Variants in LRP1B observed in about 807,000 individuals in gnomAD.
LRP1B encodes LDL receptor related protein 1B, also known as low-density lipoprotein receptor-related protein 1B.
Under a neutral mutation model 556.6 loss-of-function variants are expected in LRP1B, and 217 were observed. That is an observed-to-expected ratio of 0.39 (90% CI 0.35 to 0.44). The LOEUF is 0.44. Ranked by LOEUF, LRP1B falls within the 20% of genes least tolerant of loss-of-function variation. The pLI is 1.00. For missense variants in LRP1B, 5,053 were observed against 5,620.8 expected (o/e 0.90, Z 3.23); for synonymous variants, 2,047 against 1,865.8 (o/e 1.10, Z -2.50).
At chr2:142,089,945 T>C (rs1706098310) in intron 1 of LRP1B, among the ~76,000 whole-genome samples, 1 of 152,190 alleles carries the variant, frequency 6.6e-6, no homozygotes, top group African/African-American at 2.4e-5. Flanking sequence ...TATGCTTTGA[T>C]TGCATATCAC....
intron 11 of LRP1B, among the ~76,000 whole-genome samples, chr2:141,032,822 C>CATATAT (rs1333410760): frequency 1.3e-5 from 1 of 75,544 alleles, no homozygotes; most frequent in African/African-American, 5.2e-5. Flanking sequence ...TATATATATA[C>CATATAT]ATACATATAT....
chr2:141,693,163 A>G (rs1225827044), intron 2 of LRP1B, among the ~76,000 whole-genome samples: 1 of 152,032 alleles, frequency 6.6e-6, no homozygotes, highest in African/African-American at 2.4e-5. Context: ...GCTTCTTGAA[A>G]GTAGAGTCTT....
At chr2:141,133,987 A>G (rs766074223) in intron 7 of LRP1B, among the ~76,000 whole-genome samples, 2 of 151,860 alleles carry the variant, frequency 1.3e-5, no homozygotes, top group Non-Finnish European at 2.9e-5. Context: ...ACATAGAACA[A>G]TACATGCATA....
intron 2 of LRP1B, among the ~76,000 whole-genome samples, chr2:141,794,168 A>G (rs1230339419): frequency 6.6e-6 from 1 of 151,894 alleles, no homozygotes; most frequent in Non-Finnish European, 1.5e-5. Flanking sequence ...TGGGCATGAC[A>G]CTCATGAATG....
chr2:142,050,551 A>T (rs1704419142), intron 1 of LRP1B, among the ~76,000 whole-genome samples: 1 of 152,178 alleles, frequency 6.6e-6, no homozygotes, highest in Non-Finnish European at 1.5e-5. Flanking sequence ...GTTATTAAAA[A>T]ATCCCTCTGT....
intron 2 of LRP1B, among the ~76,000 whole-genome samples, chr2:141,799,050 T>C (rs79340628): frequency 0.011 from 1,636 of 152,016 alleles, 37 homozygotes; most frequent in African/African-American, 0.038. Flanking sequence ...AGACCTTGAT[T>C]TCAGAATTCC....
At chr2:142,043,543 A>G (rs1704137216) in intron 1 of LRP1B, among the ~76,000 whole-genome samples, 2 of 151,686 alleles carry the variant, frequency 1.3e-5, no homozygotes, top group African/African-American at 4.8e-5. Flanking sequence ...TCAGCTGAAC[A>G]GTTAGTAGAC....
rs776584194 is a variant in LRP1B at position 140,883,941 on chromosome 2, T to C, written c.4045A>G (p.Ile1349Val). 1.9e-6 allele frequency: 3 copies of C among 1,613,756 alleles called. No individual in the cohort carries two copies. Among genetic ancestry groups the C allele is most frequent in the African/African-American group, 1.3e-5 (1 of 75,006 alleles). ...TCCAGATTGCTGTCTATCCAGTATA[T>C]GTTTCCTGCTATCCAGTCGACTGTC... ...GLTVDWIAGN[I>V]YWIDSNLDQI... is the part of the protein sequence containing the mutation. Residue 1349 changes from isoleucine to valine, a missense_variant, in exon 25 of 91, where the codon ATA (isoleucine) becomes GTA (valine). Physicochemically the swap from Ile to Val is conservative, Grantham distance 29. Around this residue, in one of 5 missense-constraint regions of LRP1B, gnomAD observed 3,619 missense variants for 3,931.9 expected, o/e 0.92. Coordinates refer to ENST00000389484, the MANE Select transcript of LRP1B (RefSeq NM_018557.3).
At chr2:141,633,207 C>T (rs1688976874) in intron 2 of LRP1B, among the ~76,000 whole-genome samples, 1 of 152,144 alleles carries the variant, frequency 6.6e-6, no homozygotes, top group South Asian at 2.1e-4. Context: ...GAAAGCTTTT[C>T]AAATCTGTGG....
At chr2:141,019,095 A>C (rs1697992797) in intron 12 of LRP1B, among the ~76,000 whole-genome samples, 1 of 152,122 alleles carries the variant, frequency 6.6e-6, no homozygotes, top group African/African-American at 2.4e-5. Context: ...TAACATTTTT[A>C]AGTTATAAAA....
chr2:141,950,257 C>T (rs1233473535), intron 1 of LRP1B, among the ~76,000 whole-genome samples: 2 of 152,000 alleles, frequency 1.3e-5, no homozygotes, highest in East Asian at 1.9e-4. Context: ...AATTTTAATT[C>T]TGTATGGTAT....
intron 18 of LRP1B, among the ~76,000 whole-genome samples, chr2:140,964,368 G>A (rs1696132585): frequency 6.6e-6 from 1 of 152,110 alleles, no homozygotes; most frequent in Non-Finnish European, 1.5e-5. Flanking sequence ...CTCCACAAGA[G>A]GTGGAGGAGC....
intron 7 of LRP1B, among the ~76,000 whole-genome samples, chr2:141,098,693 T>C (rs1574071607): frequency 7.5e-6 from 1 of 134,038 alleles, no homozygotes; most frequent in Non-Finnish European, 1.7e-5. Flanking sequence ...GTTTCACTCT[T>C]GTTGCCCAGG....
Position 140,403,107 on chromosome 2 carries a change from C to T in LRP1B, c.10415-17098G>A, listed in dbSNP as rs553487202. On this transcript the variant is annotated intron_variant, in intron 66 of 90. Transcript: ENST00000389484. ...TATAAACCTTAAAGTCATATACTTA[C>T]GGGGAGAAAAGAAAGAAAAAAAATG... Among the ~76,000 whole-genome samples, 79 of 151,514 alleles carry T rather than the reference C, an allele frequency of 5.2e-4. 1 individual carries two copies. In the South Asian group the frequency reaches 0.013, roughly 26 times the overall value.
intron 6 of LRP1B, among the ~76,000 whole-genome samples, chr2:141,202,696 G>A (rs1375917402): frequency 1.3e-5 from 2 of 151,722 alleles, no homozygotes; most frequent in Non-Finnish European, 2.9e-5. Context: ...CATGTTTGTT[G>A]GCCACACGTT....
chr2:140,366,790 T>C (rs977939810), intron 71 of LRP1B, among the ~76,000 whole-genome samples: 2 of 151,766 alleles, frequency 1.3e-5, no homozygotes, highest in East Asian at 1.9e-4. Context: ...CCAACGTATC[T>C]TTCCAGAAGT....
chr2:141,456,863 T>C (rs1231913162), intron 3 of LRP1B, among the ~76,000 whole-genome samples: 4 of 152,208 alleles, frequency 2.6e-5, no homozygotes, highest in African/African-American at 9.6e-5. Context: ...CTAGGGTTCA[T>C]AAGAAGAAAG....
At chr2:140,863,789 A>G (rs1186795697) in intron 27 of LRP1B, among the ~76,000 whole-genome samples, 1 of 152,082 alleles carries the variant, frequency 6.6e-6, no homozygotes, top group African/African-American at 2.4e-5. Flanking sequence ...ATACTCTTAC[A>G]TTCAAAATCC....
chr2:140,323,697 TTTTCCCAA>T (rs1324306840), intron 81 of LRP1B, among the ~76,000 whole-genome samples, 188 bp downstream of exon 81: 2 of 151,924 alleles, frequency 1.3e-5, no homozygotes, highest in Non-Finnish European at 2.9e-5. Flanking sequence ...ATGCTGAACA[TTTTCCCAA>T]TTACAGCAGA....
Sources: gnomAD v4.1 joint callset for allele counts (sites outside exome capture counted in the v4.1 genomes callset) on GRCh38, gnomAD v4.1.1 for gene constraint, gnomAD v4.1.1 regional missense constraint, MANE v1.5 for transcripts, NCBI Gene and HGNC (gene_info 2026-07-23, HGNC 2026-07-21) for gene names.